Variants in MIPOL1 observed in about 807,000 individuals in gnomAD.
MIPOL1 encodes mirror-image polydactyly 1, also known as mirror-image polydactyly gene 1 protein.
A neutral mutation model predicts 60.9 loss-of-function variants in MIPOL1; 57 were observed. The observed-to-expected ratio is 0.94, with a 90% CI of 0.76 to 1.17. The LOEUF is 1.17. Among genes scored for constraint, MIPOL1 ranks in the 50% most tolerant of loss-of-function variants. The pLI is 0.00. For synonymous variants in MIPOL1, 179 were observed against 168.8 expected (o/e 1.06, Z -0.47); for missense variants, 551 against 511.6 (o/e 1.08, Z -0.74).
At chr14:37,303,879 C>T (rs2086557532) in intron 7 of MIPOL1, among the ~76,000 whole-genome samples, 1 of 151,726 alleles carries the variant, frequency 6.6e-6, no homozygotes, top group Non-Finnish European at 1.5e-5. Context: ...AAGAAGGACT[C>T]CTTCTGTATC....
intron 12 of MIPOL1, chr14:37,523,458 G>GT (rs751583365): frequency 0.031 from 10,004 of 321,514 alleles, 1 homozygote; most frequent in East Asian, 0.038. Flanking sequence ...AAATATTAGA[G>GT]TTTTTTTTTT....
At chr14:37,315,097 A>T (rs1199132499) in intron 9 of MIPOL1, among the ~76,000 whole-genome samples, 1 of 152,156 alleles carries the variant, frequency 6.6e-6, no homozygotes, top group East Asian at 1.9e-4. Flanking sequence ...GGGGGGTGGG[A>T]TTATCACTTT....
At chr14:37,317,174 G>C (rs2088003078) in intron 9 of MIPOL1, among the ~76,000 whole-genome samples, 1 of 152,010 alleles carries the variant, frequency 6.6e-6, no homozygotes, top group Non-Finnish European at 1.5e-5. Flanking sequence ...GATAAATTTA[G>C]TAAAGGGAAG....
At chr14:37,339,522 TTATAATATTCAACTATTGAAAATGA>T (rs2090422808) in intron 9 of MIPOL1, among the ~76,000 whole-genome samples, 1 of 152,182 alleles carries the variant, frequency 6.6e-6, no homozygotes, top group South Asian at 2.1e-4. Context: ...AGGAGCTGAT[TTATAATATTCAACTATTGAAAATGA>T]TGTGAAAGTC....
intron 10 of MIPOL1, among the ~76,000 whole-genome samples, chr14:37,375,893 C>G (rs1478021569): frequency 6.6e-6 from 1 of 152,032 alleles, no homozygotes; most frequent in Non-Finnish European, 1.5e-5. Flanking sequence ...TTTTCTGTCA[C>G]CATATCTCCA....
At chr14:37,387,344 C>T (rs1247415185) in intron 10 of MIPOL1, among the ~76,000 whole-genome samples, 3 of 151,658 alleles carry the variant, frequency 2.0e-5, no homozygotes, top group African/African-American at 7.3e-5. Flanking sequence ...TGTAGTTTAA[C>T]ATGGATCAGA....
chr14:37,372,764 A>C (rs113325133), intron 10 of MIPOL1, among the ~76,000 whole-genome samples: 1 of 151,084 alleles, frequency 6.6e-6, no homozygotes, highest in South Asian at 2.1e-4. Flanking sequence ...CAAAAAAAAA[A>C]AAAAAAATTG....
chr14:37,343,022 A>C (rs903991793), intron 9 of MIPOL1, among the ~76,000 whole-genome samples: 2 of 150,244 alleles, frequency 1.3e-5, no homozygotes, highest in Admixed American at 1.3e-4. Flanking sequence ...AAATATATAG[A>C]AACATGTCAT....
chr14:37,357,593 A>T lies in MIPOL1; in HGVS notation c.829-11924A>T, dbSNP rs553309650. On this transcript the variant is annotated intron_variant, in intron 9 of 12. Coordinates refer to ENST00000684589, the MANE Select transcript of MIPOL1 (RefSeq NM_001388067.1). ...TCTATTCAATTATTTGGTCTTTTTAAAAAAAATCAGGTTATTAGATCTTTT... is the reference window on the plus strand; with the variant it reads ...TCTATTCAATTATTTGGTCTTTTTATAAAAAATCAGGTTATTAGATCTTTT... Among the ~76,000 whole-genome samples the T allele has an allele frequency of 3.7e-4, 57 of 152,188 alleles. No individual in the cohort carries two copies. The Middle Eastern group carries it at 0.01, about 27-fold the overall frequency.
intron 7 of MIPOL1, among the ~76,000 whole-genome samples, chr14:37,302,367 T>A (rs958748173): frequency 6.6e-6 from 1 of 151,292 alleles, no homozygotes; most frequent in Non-Finnish European, 1.5e-5. Context: ...CAAATCATAT[T>A]GAGCATCTTT....
chr14:37,329,602 T>C (rs1181105922), intron 9 of MIPOL1, among the ~76,000 whole-genome samples: 3 of 152,144 alleles, frequency 2.0e-5, no homozygotes, highest in East Asian at 3.9e-4. Context: ...CTTAAGTAAT[T>C]GACAGCTCTG....
chr14:37,201,139 A>C (rs1965272552), intron 1 of MIPOL1, among the ~76,000 whole-genome samples: 2 of 151,926 alleles, frequency 1.3e-5, no homozygotes, highest in Admixed American at 1.3e-4. Context: ...TCCTGAGCTC[A>C]AGTGATCCTC....
At chr14:37,218,001 T>C (rs1165048068) in intron 1 of MIPOL1, among the ~76,000 whole-genome samples, 3 of 152,224 alleles carry the variant, frequency 2.0e-5, no homozygotes, top group African/African-American at 7.2e-5. Context: ...ATGTTGTGTT[T>C]CCATTTTTAT....
rs1296399284 is a variant in MIPOL1, at chr14:37,431,087, G to C, written c.1031+8138G>C. On this transcript the variant is annotated intron_variant, in intron 11 of 12. Transcript: ENST00000684589. Reference sequence around the variant, plus strand: ...CCAGAGTTTGTATTAGAATGGGCTTGCTAATTATAGGTCCTGGAATTTGAT... The same window carrying C: ...CCAGAGTTTGTATTAGAATGGGCTTCCTAATTATAGGTCCTGGAATTTGAT... Among the ~76,000 whole-genome samples the C allele has an allele frequency of 1.9e-4, 29 of 152,130 alleles. 1 individual carries two copies. The highest frequency in any genetic ancestry group is 1.9e-3 in the Admixed American group (29 of 15,262).
intron 11 of MIPOL1, among the ~76,000 whole-genome samples, chr14:37,424,365 A>T (rs1458734899): frequency 6.6e-6 from 1 of 152,184 alleles, no homozygotes; most frequent in Non-Finnish European, 1.5e-5. Flanking sequence ...ACAGAGACAG[A>T]CATGCACAGA....
intron 11 of MIPOL1, among the ~76,000 whole-genome samples, chr14:37,446,826 A>G (rs2094342996): frequency 6.6e-6 from 1 of 152,064 alleles, no homozygotes; most frequent in South Asian, 2.1e-4. Flanking sequence ...TTGCAAGGAC[A>G]AAAAACCAAA....
At chr14:37,507,396 C>T (rs2095287449) in intron 12 of MIPOL1, 1 of 152,160 alleles carries the variant, frequency 6.6e-6, no homozygotes, top group Admixed American at 6.6e-5. Flanking sequence ...AAATGTGGCA[C>T]ATATACACCA....
intron 1 of MIPOL1, among the ~76,000 whole-genome samples, chr14:37,235,989 C>T (rs774789703): frequency 2.0e-5 from 3 of 151,604 alleles, no homozygotes; most frequent in Non-Finnish European, 2.9e-5. Context: ...TGCAGTGGCA[C>T]GATCTCGGCT....
chr14:37,481,602 CA>C (rs2094869028), intron 11 of MIPOL1, among the ~76,000 whole-genome samples: 3 of 144,790 alleles, frequency 2.1e-5, no homozygotes, highest in African/African-American at 2.6e-5. Flanking sequence ...CACACACACA[CA>C]CACACACACC....
Sources: allele counts gnomAD v4.1 joint callset (sites outside exome capture counted in the v4.1 genomes callset), GRCh38; gene constraint gnomAD v4.1.1; transcripts MANE v1.5; gene names NCBI Gene and HGNC (gene_info 2026-07-23, HGNC 2026-07-21).